The following FGD6 variants were observed in gnomAD, a reference collection of about 807,000 sequenced individuals.
The protein encoded by FGD6 is FYVE, RhoGEF and PH domain containing 6.
In FGD6, 90 loss-of-function variants were observed where a neutral mutation model predicts 149.4. The ratio of observed to expected loss-of-function variants is 0.60; its 90% CI spans 0.51 to 0.72. The LOEUF (loss-of-function observed/expected upper bound fraction) is 0.72. Among genes scored for constraint, FGD6 ranks in the 30% least tolerant of loss-of-function variants. The probability of loss-of-function intolerance (pLI) is 0.00; values close to 1 mark genes in which losing one functional copy is unlikely to be tolerated. For missense variants in FGD6, 1,437 were observed against 1,684.8 expected (o/e 0.85, Z 2.57); for synonymous variants, 527 against 584.0 (o/e 0.90, Z 1.41).
Position 95,209,130 on chromosome 12 carries a change from T to C in FGD6, c.2154A>G (p.Arg718=). 2 of 1,614,164 alleles carry C rather than the reference T, an allele frequency of 1.2e-6. No homozygotes were observed. The highest frequency in any genetic ancestry group is 1.7e-6 in the Non-Finnish European group (2 of 1,180,020). ...RGQTSAANGL[R]AESLDDQMLS... Reference sequence around the variant, plus strand: ...GCATTTGGTCATCCAAAGACTCAGCTCTCAGACCATTAGCTGCACTGGTCT... The same window carrying C: ...GCATTTGGTCATCCAAAGACTCAGCCCTCAGACCATTAGCTGCACTGGTCT... Residue 718 remains arginine, a synonymous_variant, in exon 2 of 21, where the codon AGA becomes AGG. Coordinates refer to ENST00000343958, the MANE Select transcript of FGD6 (RefSeq NM_018351.4).
At chr12:95,098,402 C>T (rs532408359) in intron 14 of FGD6, among the ~76,000 whole-genome samples, 2 of 152,264 alleles carry the variant, frequency 1.3e-5, no homozygotes, top group Admixed American at 1.3e-4. Context: ...TTGTATAAGC[C>T]TTTCAGCGGT....
Position 95,208,278 on chromosome 12 carries a change from T to C in FGD6, c.2441+565A>G, listed in dbSNP as rs970329058. Among the ~76,000 whole-genome samples, 8 of 152,142 alleles carry C rather than the reference T, an allele frequency of 5.3e-5. No homozygotes were observed. The East Asian group carries it at 1.5e-3, about 29-fold the overall frequency. ...AAAAAAAAATTTTTTTTTAATTAAA[T>C]TATTTTAAAAGTGAGAAATAAAGAG... On this transcript the variant is annotated intron_variant, in intron 2 of 20. Coordinates refer to ENST00000343958, the MANE Select transcript of FGD6 (RefSeq NM_018351.4).
Position 95,132,580 on chromosome 12 carries a change from G to A in FGD6, c.3082+2159C>T, listed in dbSNP as rs376860331. Among the ~76,000 whole-genome samples the A allele has an allele frequency of 9.9e-5, 15 of 151,974 alleles. No individual in the cohort carries two copies. The South Asian group carries it at 1.5e-3, about 15-fold the overall frequency. ...ATCCTGGCCAACATGTTGAAACCCC[G>A]TCTCTACTAAAAATACAAAAAATTA... On this transcript the variant is annotated intron_variant, in intron 8 of 20. Transcript: ENST00000343958.
At chr12:95,200,614 G>A (rs977294740) in intron 2 of FGD6, among the ~76,000 whole-genome samples, 4 of 152,186 alleles carry the variant, frequency 2.6e-5, no homozygotes, top group African/African-American at 9.6e-5. Context: ...AAGAAGGGCT[G>A]AGAAACCTGG....
intron 14 of FGD6, among the ~76,000 whole-genome samples, chr12:95,098,500 C>G (rs1051558986): frequency 2.0e-5 from 3 of 152,158 alleles, no homozygotes; most frequent in African/African-American, 7.2e-5. Context: ...TATCCTGGGT[C>G]ATTCTCTTCC....
intron 2 of FGD6, among the ~76,000 whole-genome samples, chr12:95,177,829 T>C (rs545904730): frequency 1.3e-5 from 2 of 152,198 alleles, no homozygotes; most frequent in Non-Finnish European, 2.9e-5. Context: ...AACATTTCCT[T>C]CTGTTACTTC....
At chr12:95,116,870 A>G in intron 8 of FGD6, 1 of 455,990 alleles carries the variant, frequency 2.2e-6, no homozygotes, top group South Asian at 1.5e-5. Context: ...GGATCTCCTT[A>G]AACAGTTAAG....
At chr12:95,116,715 T>G (rs1879026415) in intron 8 of FGD6, 5 of 404,892 alleles carry the variant, frequency 1.2e-5, no homozygotes, top group Non-Finnish European at 2.5e-5. Flanking sequence ...AAAAATATCT[T>G]TATGGTCTAC....
chr12:95,215,740 C>T lies in FGD6; in HGVS notation c.16+1485G>A, dbSNP rs76574145. On this transcript the variant is annotated intron_variant, in intron 1 of 20. Transcript: ENST00000343958. ...AGAATCATGAACTTCCAGTCTGGGC[C>T]CTAGAAATTGGGTTTACATAAATGT... is the stretch of plus-strand genomic sequence containing the variant. Among the ~76,000 whole-genome samples, 425 of 152,190 alleles carry T rather than the reference C, an allele frequency of 2.8e-3. 4 individuals carry two copies. The South Asian group carries it at 0.032, about 11-fold the overall frequency.
chr12:95,151,411 C>T (rs1263594022), intron 5 of FGD6, among the ~76,000 whole-genome samples: 8 of 152,098 alleles, frequency 5.3e-5, no homozygotes, highest in African/African-American at 1.9e-4. Context: ...GCTAGGACTA[C>T]AGGCATGCCA....
intron 2 of FGD6, among the ~76,000 whole-genome samples, chr12:95,190,130 T>C (rs1222636602): frequency 3.9e-5 from 6 of 152,198 alleles, no homozygotes; most frequent in Non-Finnish European, 8.8e-5. Flanking sequence ...AGCTAAGACA[T>C]GGGATTTTAT....
chr12:95,171,805 G>A (rs545278709), intron 3 of FGD6, among the ~76,000 whole-genome samples: 13 of 151,960 alleles, frequency 8.6e-5, no homozygotes, highest in South Asian at 6.2e-4. Context: ...GTGAACCACC[G>A]TGCCCAGCCC....
intron 2 of FGD6, among the ~76,000 whole-genome samples, chr12:95,199,012 C>T (rs1881798450): frequency 6.6e-6 from 1 of 152,222 alleles, no homozygotes; most frequent in Non-Finnish European, 1.5e-5. Context: ...TGTGGGGCCT[C>T]CTTCCTCACA....
rs1565902581 is a variant in FGD6 at position 95,126,049 on chromosome 12, C to T, written c.3082+8690G>A. ...ACACAATGGGCCAGGAAGATTGAAG[C>T]CAGAGAAAGGAAAGCCAAGATGACA... On this transcript the variant is annotated intron_variant, in intron 8 of 20. Coordinates refer to ENST00000343958, the MANE Select transcript of FGD6 (RefSeq NM_018351.4). The T allele has an allele frequency of 6.2e-6, 8 of 1,295,954 alleles. No homozygotes were observed. The South Asian group carries it at 7.1e-5, about 12-fold the overall frequency. The allele number at this position is 1,295,954 out of a possible 1,614,324, so 80.3% of individuals were successfully genotyped here. A position where few individuals can be genotyped will look rare whatever the true frequency, so the allele number is the denominator to read the frequency against.
chr12:95,214,734 G>A (rs938375494), intron 1 of FGD6, among the ~76,000 whole-genome samples: 5 of 152,042 alleles, frequency 3.3e-5, no homozygotes, highest in African/African-American at 7.3e-5. Context: ...TGTGGTTCAC[G>A]TGTACACTCT....
At chr12:95,126,075 G>A in intron 8 of FGD6, 1 of 1,177,112 alleles carries the variant, frequency 8.5e-7, no homozygotes, top group South Asian at 1.2e-5. Context: ...CAAGATGACA[G>A]ATTCTGATCA....
intron 5 of FGD6, among the ~76,000 whole-genome samples, chr12:95,151,469 T>C (rs1880307710): frequency 6.6e-6 from 1 of 152,104 alleles, no homozygotes; most frequent in Non-Finnish European, 1.5e-5. Context: ...GTTTTAGCCA[T>C]GTTGGCCAGG....
intron 3 of FGD6, among the ~76,000 whole-genome samples, chr12:95,155,071 A>G (rs1032849142): frequency 3.9e-5 from 6 of 152,224 alleles, no homozygotes; most frequent in African/African-American, 1.4e-4. Flanking sequence ...CCTTCTGAAA[A>G]TTACATTTTA....
At chr12:95,142,567 C>G (rs541081595) in intron 5 of FGD6, among the ~76,000 whole-genome samples, 2 of 152,212 alleles carry the variant, frequency 1.3e-5, no homozygotes. Flanking sequence ...CATGAGCCAC[C>G]GTGCCTGGCA....
Sources: gnomAD v4.1 joint callset for allele counts (sites outside exome capture counted in the v4.1 genomes callset) on GRCh38, gnomAD v4.1.1 for gene constraint, MANE v1.5 for transcripts, NCBI Gene and HGNC (gene_info 2026-07-23, HGNC 2026-07-21) for gene names.